COPG2: variants seen among roughly 807,000 people sequenced by gnomAD.
The protein encoded by COPG2 is coat protein complex I subunit gamma 2.
A neutral mutation model predicts 46.3 loss-of-function variants in COPG2; 37 were observed. The ratio of observed to expected loss-of-function variants is 0.80; its 90% confidence interval spans 0.61 to 1.05. The LOEUF (loss-of-function observed/expected upper bound fraction) is 1.05, where lower values mean the gene tolerates loss of function less well. COPG2 is among the 50% of genes least tolerant of loss of function. The pLI is 0.00. For missense variants in COPG2, 427 were observed against 387.8 expected (o/e 1.10, Z -0.85); for synonymous variants, 159 against 129.7 (o/e 1.23, Z -1.53).
At chr7:130,539,958 C>CTTT (rs1360423221) in intron 20 of COPG2, among the ~76,000 whole-genome samples, 3 of 147,122 alleles carry the variant, frequency 2.0e-5, no homozygotes, top group Non-Finnish European at 3.0e-5. Flanking sequence ...AATGGCTGCT[C>CTTT]TTAAAGCCTT....
Position 130,624,621 on chromosome 7 carries a change from T to G in COPG2, c.324-7556A>C, listed in dbSNP as rs536514837. Among the ~76,000 whole-genome samples, 74 of 152,246 alleles carry G rather than the reference T, an allele frequency of 4.9e-4. No individual in the cohort carries two copies. In the South Asian group the frequency reaches 0.015, roughly 30 times the overall value. ...AAGTCCATTATGTCATTCTTTTGCC[T>G]TTGTGTCCTTGTAGCTTAGCTCCCA... On this transcript the variant is annotated intron_variant, in intron 5 of 23. Coordinates refer to ENST00000425248, the MANE Select transcript of COPG2 (RefSeq NM_012133.6).
intron 9 of COPG2, among the ~76,000 whole-genome samples, chr7:130,606,592 A>G (rs1794737407): frequency 6.6e-6 from 1 of 152,214 alleles, no homozygotes; most frequent in Non-Finnish European, 1.5e-5. Flanking sequence ...ATGAAGTTGG[A>G]TATTTACTTG....
At chr7:130,578,511 G>A (rs1468569995) in intron 9 of COPG2, among the ~76,000 whole-genome samples, 3 of 151,742 alleles carry the variant, frequency 2.0e-5, no homozygotes, top group Admixed American at 6.6e-5. Context: ...TGACTTTGAC[G>A]AGCTGAGAGA....
chr7:130,542,596 A>G (rs2085568094), intron 20 of COPG2, among the ~76,000 whole-genome samples: 1 of 151,990 alleles, frequency 6.6e-6, no homozygotes, highest in African/African-American at 2.4e-5. Flanking sequence ...GGCATGCAGG[A>G]CTGGATGTTG....
At chr7:130,536,182 G>A (rs1246597306) in intron 20 of COPG2, among the ~76,000 whole-genome samples, 1 of 152,112 alleles carries the variant, frequency 6.6e-6, no homozygotes, top group African/African-American at 2.4e-5. Context: ...TGTGTTAAGG[G>A]GTAAATGGGG....
intron 4 of COPG2, among the ~76,000 whole-genome samples, chr7:130,653,748 C>T (rs556380903): frequency 6.6e-6 from 1 of 152,230 alleles, no homozygotes; most frequent in Admixed American, 6.5e-5. Flanking sequence ...CCAAATACAT[C>T]AGACGCAGCT....
At chr7:130,619,734 C>T (rs1240230895) in intron 5 of COPG2, among the ~76,000 whole-genome samples, 2 of 152,194 alleles carry the variant, frequency 1.3e-5, no homozygotes, top group Non-Finnish European at 2.9e-5. Flanking sequence ...GAAAAGCTCA[C>T]AGGTGTTATG....
intron 9 of COPG2, among the ~76,000 whole-genome samples, chr7:130,588,721 C>A (rs1203035631): frequency 6.6e-6 from 1 of 152,004 alleles, no homozygotes; most frequent in Non-Finnish European, 1.5e-5. Context: ...GGGTGCAGCA[C>A]ACCAGCATGG....
At chr7:130,610,765 A>G (rs1794832093) in intron 9 of COPG2, 188 bp downstream of exon 9, 1 of 684,460 alleles carries the variant, frequency 1.5e-6, no homozygotes, top group Non-Finnish European at 2.6e-6. Flanking sequence ...AAGTACATAT[A>G]CAAGAGCATA....
At chr7:130,607,450 G>A (rs569997747) in intron 9 of COPG2, 2 of 443,636 alleles carry the variant, frequency 4.5e-6, no homozygotes, top group Non-Finnish European at 9.0e-6. Flanking sequence ...ATTAAACATT[G>A]TAATGATATA....
chr7:130,646,734 A>G (rs1367125029), intron 5 of COPG2, among the ~76,000 whole-genome samples: 1 of 151,560 alleles, frequency 6.6e-6, no homozygotes, highest in African/African-American at 2.4e-5. Context: ...ATGAGATCTG[A>G]TAGTTTTATA....
intron 20 of COPG2, among the ~76,000 whole-genome samples, chr7:130,525,988 G>A (rs1248471870): frequency 6.1e-5 from 6 of 98,768 alleles, no homozygotes; most frequent in African/African-American, 2.4e-4. Context: ...GGTAACGAAA[G>A]GGTAGATGTG....
At chr7:130,657,696 A>C (rs1795883827) in intron 4 of COPG2, among the ~76,000 whole-genome samples, 1 of 152,192 alleles carries the variant, frequency 6.6e-6, no homozygotes, top group Non-Finnish European at 1.5e-5. Context: ...TAAGAAAATA[A>C]ACAATCCAAT....
chr7:130,544,258 A>G (rs1793392111), intron 20 of COPG2, among the ~76,000 whole-genome samples: 1 of 152,238 alleles, frequency 6.6e-6, no homozygotes, highest in African/African-American at 2.4e-5. Context: ...TGTTTTTAGT[A>G]CAGAATGCCA....
At chr7:130,536,810 G>A (rs976159441) in intron 20 of COPG2, among the ~76,000 whole-genome samples, 8 of 152,212 alleles carry the variant, frequency 5.3e-5, no homozygotes, top group Non-Finnish European at 7.3e-5. Context: ...TCCGAGACTC[G>A]AGGACTCAGG....
At chr7:130,587,087 G>A (rs981302508) in intron 9 of COPG2, among the ~76,000 whole-genome samples, 11 of 151,838 alleles carry the variant, frequency 7.2e-5, no homozygotes, top group Admixed American at 1.3e-4. Flanking sequence ...CAGGCAGATC[G>A]CCTGAGGTCA....
chr7:130,584,855 A>G (rs1032187479), intron 9 of COPG2, among the ~76,000 whole-genome samples: 12 of 152,112 alleles, frequency 7.9e-5, no homozygotes, highest in Non-Finnish European at 1.2e-4. Context: ...GGATGGGTAG[A>G]ATCAATACTG....
chr7:130,569,824 C>T (rs1338331098), intron 9 of COPG2, among the ~76,000 whole-genome samples: 1 of 152,104 alleles, frequency 6.6e-6, no homozygotes, highest in African/African-American at 2.4e-5. Context: ...TATAACTAAC[C>T]AAATTCAACA....
intron 5 of COPG2, among the ~76,000 whole-genome samples, chr7:130,636,951 G>C (rs1795349838): frequency 6.6e-6 from 1 of 152,148 alleles, no homozygotes. Flanking sequence ...TTGCTTCTCT[G>C]TAAAGGATTT....
Sources: gnomAD v4.1 joint callset for allele counts (sites outside exome capture counted in the v4.1 genomes callset) on GRCh38, gnomAD v4.1.1 for gene constraint, MANE v1.5 for transcripts, NCBI Gene and HGNC (gene_info 2026-07-23, HGNC 2026-07-21) for gene names.